CFAP57: variants seen among roughly 807,000 people sequenced by gnomAD.
CFAP57 encodes cilia- and flagella-associated protein 57.
A neutral mutation model predicts 146.8 loss-of-function variants in CFAP57; 116 were observed. The observed-to-expected ratio is 0.79, with a 90% CI of 0.68 to 0.92. The LOEUF is 0.92. CFAP57 is among the 40% of genes least tolerant of loss of function. The pLI, the probability that CFAP57 is intolerant of heterozygous loss-of-function variation, is 0.00. For synonymous variants in CFAP57, 518 were observed against 552.8 expected (o/e 0.94, Z 0.88); for missense variants, 1,377 against 1,527.2 (o/e 0.90, Z 1.64).
intron 6 of CFAP57, among the ~76,000 whole-genome samples, chr1:43,187,776 A>G (rs1462387585): frequency 1.3e-5 from 2 of 152,072 alleles, no homozygotes; most frequent in Non-Finnish European, 2.9e-5. Context: ...GTGGACTTTT[A>G]TGACTGGCTT....
chr1:43,222,808 A>G lies in CFAP57; in HGVS notation c.2533-16A>G. ...TCCCTTCTCCCCTGACCACACGCCC[A>G]CTCTCTCTGAGCCAGGCACAGGAAG... On this transcript the variant is annotated splice_polypyrimidine_tract_variant and intron_variant, in intron 15 of 22. Transcript: ENST00000372492. 6.6e-6 allele frequency: 10 copies of G among 1,526,368 alleles called. No individual in the cohort carries two copies. The highest frequency in any genetic ancestry group is 8.8e-6 in the Non-Finnish European group (10 of 1,135,072). The allele number at this position is 1,526,368 out of a possible 1,614,324, so 94.6% of individuals were successfully genotyped here.
At chr1:43,186,889 A>C (rs201473284) in intron 6 of CFAP57, 30 bp downstream of exon 6, 1 of 1,613,618 alleles carries the variant, frequency 6.2e-7, no homozygotes, top group Non-Finnish European at 8.5e-7. Flanking sequence ...GTCCTTCCAG[A>C]CCAGGACCTA....
intron 9 of CFAP57, among the ~76,000 whole-genome samples, chr1:43,199,861 T>A (rs1272097405): frequency 6.6e-6 from 1 of 152,106 alleles, no homozygotes; most frequent in East Asian, 1.9e-4. Flanking sequence ...ACTCATAGGG[T>A]GTCAGAGAAC....
intron 11 of CFAP57, among the ~76,000 whole-genome samples, chr1:43,212,487 C>A (rs900023352): frequency 2.6e-5 from 4 of 152,156 alleles, no homozygotes; most frequent in Non-Finnish European, 5.9e-5. Context: ...ATGTAATGAT[C>A]AGGTCAGGAT....
At chr1:43,177,116 C>T (rs1207391486) in intron 2 of CFAP57, 1 of 456,130 alleles carries the variant, frequency 2.2e-6, no homozygotes, top group Admixed American at 2.3e-5. Flanking sequence ...TCTGTGTTTC[C>T]TCAGGTTCAT....
chr1:43,216,352 G>C (rs1369184051), intron 12 of CFAP57, among the ~76,000 whole-genome samples: 1 of 152,222 alleles, frequency 6.6e-6, no homozygotes, highest in African/African-American at 2.4e-5. Flanking sequence ...CCCTTCCAGA[G>C]CTCCCTAGAA....
intron 18 of CFAP57, among the ~76,000 whole-genome samples, chr1:43,229,485 G>A (rs1207238399): frequency 2.7e-5 from 4 of 148,620 alleles, no homozygotes; most frequent in Non-Finnish European, 5.9e-5. Flanking sequence ...TTTGGTTCAT[G>A]CACTGTGGAT....
intron 2 of CFAP57, among the ~76,000 whole-genome samples, chr1:43,179,517 T>A (rs75979214): frequency 0.019 from 2,942 of 152,266 alleles, 58 homozygotes; most frequent in African/African-American, 0.052. Context: ...GGTTGTGTAA[T>A]TCAAATGAGT....
In CFAP57 at chr1:43,197,648, C is replaced by G; in HGVS notation, c.1218C>G (p.Thr406=). The change falls in exon 7 of 23, where the codon ACC becomes ACG. Residue 406 remains threonine, a synonymous_variant. Transcript: ENST00000372492. Reference sequence around the variant, plus strand: ...GCATCCGCAAACCCCTTATAGCCACCTGTTCTCTGGATCGATCCATCCGCC... The same window carrying G: ...GCATCCGCAAACCCCTTATAGCCACGTGTTCTCTGGATCGATCCATCCGCC... ...ATCIRKPLIA[T]CSLDRSIRLW... 4 of 1,614,182 alleles carry G rather than the reference C, an allele frequency of 2.5e-6. No homozygotes were observed. The highest frequency in any genetic ancestry group is 3.4e-6 in the Non-Finnish European group (4 of 1,180,050).
chr1:43,209,550 A>C (rs1644503002), intron 10 of CFAP57, among the ~76,000 whole-genome samples, 193 bp from the exon 11 acceptor site: 1 of 152,186 alleles, frequency 6.6e-6, no homozygotes, highest in Non-Finnish European at 1.5e-5. Context: ...TACCAGCAAC[A>C]CAACAAGGAA....
chr1:43,185,025 T>A, intron 4 of CFAP57, 124 bp from the exon 5 acceptor site: 1 of 1,055,852 alleles, frequency 9.5e-7, no homozygotes. Flanking sequence ...TATTTGACTG[T>A]GGAAAAGGGG....
At chr1:43,240,817 C>T (rs781295899) in intron 21 of CFAP57, among the ~76,000 whole-genome samples, 2 of 152,254 alleles carry the variant, frequency 1.3e-5, no homozygotes, top group East Asian at 3.9e-4. Flanking sequence ...GAGGAGCAGG[C>T]GTGTCACATG....
At chr1:43,251,101 C>A (rs143812065) in intron 22 of CFAP57, among the ~76,000 whole-genome samples, 147 of 152,324 alleles carry the variant, frequency 9.7e-4, no homozygotes, top group African/African-American at 3.4e-3. Flanking sequence ...CTGAGACTCC[C>A]AGACCACAGC....
intron 11 of CFAP57, chr1:43,210,331 A>G (rs1557778166): frequency 1.4e-6 from 2 of 1,395,782 alleles, no homozygotes; most frequent in African/African-American, 1.4e-5. Flanking sequence ...CCCCAGGGGC[A>G]ATACCATGAG....
chr1:43,179,807 T>C (rs1645315697), intron 2 of CFAP57, among the ~76,000 whole-genome samples: 1 of 152,146 alleles, frequency 6.6e-6, no homozygotes, highest in Non-Finnish European at 1.5e-5. Flanking sequence ...TCTTTTCCTT[T>C]CTTCTCCCTC....
chr1:43,215,517 A>C (rs140679165), intron 12 of CFAP57, 101 bp downstream of exon 12: 3 of 1,393,204 alleles, frequency 2.2e-6, no homozygotes, highest in South Asian at 2.8e-5. Flanking sequence ...GCTACACCCT[A>C]TGCCCAGTGC....
At chr1:43,204,115 C>T (rs1644251906) in intron 9 of CFAP57, among the ~76,000 whole-genome samples, 1 of 152,188 alleles carries the variant, frequency 6.6e-6, no homozygotes, top group Non-Finnish European at 1.5e-5. Context: ...ACTGTTGAGC[C>T]TTCCAGTGAA....
At chr1:43,186,921 C>A in intron 6 of CFAP57, 62 bp downstream of exon 6, 2 of 1,602,960 alleles carry the variant, frequency 1.2e-6, no homozygotes, top group South Asian at 2.2e-5. Flanking sequence ...GGGGACTAGT[C>A]ACCATGTGGG....
At chr1:43,205,142 T>C (rs1557768791) in intron 9 of CFAP57, among the ~76,000 whole-genome samples, 1 of 152,224 alleles carries the variant, frequency 6.6e-6, no homozygotes, top group African/African-American at 2.4e-5. Context: ...CTGTTATCCC[T>C]GAAGGACTCT....
Sources: allele counts gnomAD v4.1 joint callset (sites outside exome capture counted in the v4.1 genomes callset), GRCh38; gene constraint gnomAD v4.1.1; transcripts MANE v1.5; gene names NCBI Gene and HGNC (gene_info 2026-07-23, HGNC 2026-07-21).